RNF216: variants seen among roughly 807,000 people sequenced by gnomAD.
RNF216 encodes ring finger protein 216, also known as E3 ubiquitin-protein ligase RNF216.
RNF216 carries 72 observed loss-of-function variants against 110.8 expected under a neutral mutation model. That is an observed-to-expected ratio of 0.65 (90% CI 0.54 to 0.79). The LOEUF is 0.79. Among genes scored for constraint, RNF216 ranks in the 30% least tolerant of loss-of-function variants. RNF216 has a pLI of 0.00. For synonymous variants in RNF216, 495 were observed against 407.5 expected, an observed-to-expected ratio of 1.21 and a Z score of -2.59; for missense variants, 1,342 against 1,141.2, an observed-to-expected ratio of 1.18 and a Z score of -2.54.
chr7:5,647,196 T>C (rs1403567042), intron 14 of RNF216, among the ~76,000 whole-genome samples: 1 of 152,028 alleles, frequency 6.6e-6, no homozygotes, highest in Non-Finnish European at 1.5e-5. Flanking sequence ...ATAGGAGTTT[T>C]TGGAATTCCC....
chr7:5,715,576 A>G (rs1792996509), intron 10 of RNF216, among the ~76,000 whole-genome samples: 1 of 145,920 alleles, frequency 6.9e-6, no homozygotes, highest in Non-Finnish European at 1.5e-5. Context: ...CAAAAGTTGA[A>G]TTTTGTTCTT....
At chr7:5,715,376 G>A (rs2287595) in intron 10 of RNF216, among the ~76,000 whole-genome samples, 186 bp from the exon 11 acceptor site, 141,606 of 152,268 alleles carry the variant, frequency 0.93, 65,963 homozygotes, top group Middle Eastern at 0.96. Flanking sequence ...TACTAACACA[G>A]TATTAATCCA....
At chr7:5,761,849 A>G (rs1795951716) in intron 1 of RNF216, among the ~76,000 whole-genome samples, 1 of 152,220 alleles carries the variant, frequency 6.6e-6, no homozygotes, top group South Asian at 2.1e-4. Flanking sequence ...AGTATGTAAG[A>G]CATGGGAAAT....
chr7:5,696,487 C>T lies in RNF216; in HGVS notation c.2061+15274G>A, dbSNP rs1218954062. Reference sequence around the variant, plus strand: ...CGGTGGGAATGCAGCAAAGCAGCAACTGCCCAATGATCTACTCCAGGGCAC... The same window carrying T: ...CGGTGGGAATGCAGCAAAGCAGCAATTGCCCAATGATCTACTCCAGGGCAC... On this transcript the variant is annotated intron_variant, in intron 13 of 16. Transcript: ENST00000389902. The surrounding 1 kb of genome is among the most constrained non-coding windows in gnomAD (Gnocchi z 5.4). 5.9e-5 allele frequency among the ~76,000 whole-genome samples: 9 copies of T among 152,188 alleles called. No individual in the cohort carries two copies.
At chr7:5,768,762 C>CG (rs1796340526) in intron 1 of RNF216, among the ~76,000 whole-genome samples, 1 of 150,586 alleles carries the variant, frequency 6.6e-6, no homozygotes, top group Non-Finnish European at 1.5e-5. Flanking sequence ...CCCGGGTTTA[C>CG]GCCATTCTCC....
chr7:5,726,487 C>A (rs1247566423), intron 7 of RNF216, among the ~76,000 whole-genome samples: 1 of 152,172 alleles, frequency 6.6e-6, no homozygotes, highest in Non-Finnish European at 1.5e-5. Flanking sequence ...AGTTCAAAAT[C>A]CTTCCACTGG....
intron 13 of RNF216, among the ~76,000 whole-genome samples, chr7:5,711,110 T>A (rs547790673): frequency 6.6e-6 from 1 of 152,350 alleles, no homozygotes; most frequent in East Asian, 1.9e-4. Context: ...TTAGAGCGTA[T>A]TTGTCTAGGT....
At chr7:5,697,927 CTG>C (rs912844961) in intron 13 of RNF216, among the ~76,000 whole-genome samples, 1 of 152,144 alleles carries the variant, frequency 6.6e-6, no homozygotes, top group African/African-American at 2.4e-5. Context: ...AAAGGACAAG[CTG>C]TAGTCAAAGA....
intron 5 of RNF216, among the ~76,000 whole-genome samples, chr7:5,734,104 T>C (rs1029958724): frequency 2.6e-5 from 4 of 152,196 alleles, no homozygotes; most frequent in East Asian, 1.9e-4. Flanking sequence ...GACACAAACA[T>C]AGCCAATAGG....
chr7:5,637,210 G>C (rs576120534), intron 15 of RNF216, among the ~76,000 whole-genome samples: 102 of 152,338 alleles, frequency 6.7e-4, no homozygotes, highest in Middle Eastern at 3.4e-3. Context: ...GGGAATGTCT[G>C]TCACACAGGG....
intron 7 of RNF216, among the ~76,000 whole-genome samples, chr7:5,726,925 T>C (rs1428879980): frequency 1.3e-5 from 2 of 151,140 alleles, no homozygotes; most frequent in African/African-American, 2.4e-5. Context: ...GGGTACCTGA[T>C]TTGAAACGGA....
intron 2 of RNF216, among the ~76,000 whole-genome samples, chr7:5,753,628 T>A (rs1658018042): frequency 6.6e-6 from 1 of 152,222 alleles, no homozygotes; most frequent in African/African-American, 2.4e-5. Context: ...TGATATGAAT[T>A]ACTGGGTAAC....
intron 13 of RNF216, among the ~76,000 whole-genome samples, chr7:5,676,080 C>T (rs190195498): frequency 7.2e-4 from 109 of 151,904 alleles, no homozygotes; most frequent in African/African-American, 2.5e-3. Flanking sequence ...AACGCGATCT[C>T]GGCTCACTGT....
chr7:5,780,292 T>C (rs897009717), intron 1 of RNF216: 1 of 152,152 alleles, frequency 6.6e-6, no homozygotes, highest in African/African-American at 2.4e-5. Context: ...GCCAGGTGCA[T>C]GTGAGGGCCA....
intron 5 of RNF216, among the ~76,000 whole-genome samples, chr7:5,733,737 A>C (rs186617210): frequency 0.019 from 2,917 of 152,096 alleles, 43 homozygotes; most frequent in Non-Finnish European, 0.031. Flanking sequence ...TACAATTAGT[A>C]AACAAATATT....
At chr7:5,672,160 C>T (rs1222109437) in intron 13 of RNF216, among the ~76,000 whole-genome samples, 1 of 152,170 alleles carries the variant, frequency 6.6e-6, no homozygotes, top group African/African-American at 2.4e-5. Flanking sequence ...ACGTTAAGTC[C>T]TGATTCTGGG....
chr7:5,717,972 T>A (rs1306770270), intron 9 of RNF216, among the ~76,000 whole-genome samples: 1 of 152,150 alleles, frequency 6.6e-6, no homozygotes, highest in African/African-American at 2.4e-5. Context: ...TCCCAGCTAC[T>A]TGGTCTGCTA....
At chr7:5,774,318 C>T (rs1584625146) in intron 1 of RNF216, among the ~76,000 whole-genome samples, 1 of 152,266 alleles carries the variant, frequency 6.6e-6, no homozygotes, top group Non-Finnish European at 1.5e-5. Flanking sequence ...GTGCCCAAGT[C>T]CCAGCTTTAC....
intron 15 of RNF216, among the ~76,000 whole-genome samples, chr7:5,639,532 C>T (rs906963632): frequency 6.6e-6 from 1 of 152,010 alleles, no homozygotes; most frequent in African/African-American, 2.4e-5. Flanking sequence ...GGCACGATCT[C>T]AGCTCACTGC....
Sources: allele counts gnomAD v4.1 joint callset (sites outside exome capture counted in the v4.1 genomes callset), GRCh38; gene constraint gnomAD v4.1.1; non-coding constraint Gnocchi (gnomAD v3.1); transcripts MANE v1.5; gene names NCBI Gene and HGNC (gene_info 2026-07-23, HGNC 2026-07-21).